RBPMS: variants seen among roughly 807,000 people sequenced by gnomAD.
RBPMS encodes RNA-binding protein with multiple splicing.
RBPMS carries 7 observed loss-of-function variants against 26.8 expected under a neutral mutation model. The observed-to-expected ratio is 0.26, with a 90% CI of 0.15 to 0.49. The LOEUF (loss-of-function observed/expected upper bound fraction) is 0.49, where lower values mean the gene tolerates loss of function less well. Among genes scored for constraint, RBPMS ranks in the 20% least tolerant of loss-of-function variants. The probability of loss-of-function intolerance (pLI) is 0.98; values close to 1 mark genes in which losing one functional copy is unlikely to be tolerated. For synonymous variants in RBPMS, 96 were observed against 93.3 expected (o/e 1.03, Z -0.17); for missense variants, 186 against 250.0 (o/e 0.74, Z 1.73).
At chr8:30,431,004 T>C (rs28575172) in intron 1 of RBPMS, among the ~76,000 whole-genome samples, 3,089 of 152,314 alleles carry the variant, frequency 0.02, 125 homozygotes, top group African/African-American at 0.071. Flanking sequence ...TGAGTGTATT[T>C]TTAATGTATG....
chr8:30,556,476 C>G (rs978645539), intron 6 of RBPMS: 1 of 985,990 alleles, frequency 1.0e-6, no homozygotes, highest in East Asian at 1.1e-4. Context: ...ACCATGCCAT[C>G]CACTGTGCAG....
At chr8:30,503,332 C>A (rs549636754) in intron 4 of RBPMS, among the ~76,000 whole-genome samples, 1 of 152,202 alleles carries the variant, frequency 6.6e-6, no homozygotes, top group East Asian at 1.9e-4. Flanking sequence ...CTCACTGTAC[C>A]CTCTGCCTCA....
At chr8:30,489,873 C>T (rs950050600) in intron 4 of RBPMS, among the ~76,000 whole-genome samples, 8 of 150,574 alleles carry the variant, frequency 5.3e-5, no homozygotes, top group African/African-American at 9.8e-5. Flanking sequence ...TGCAGTGGCG[C>T]GATGTTGGCT....
chr8:30,480,433 T>C (rs983505244), intron 4 of RBPMS, among the ~76,000 whole-genome samples: 1 of 152,196 alleles, frequency 6.6e-6, no homozygotes, highest in Non-Finnish European at 1.5e-5. Context: ...AATGGTGTCA[T>C]TGATACACAA....
intron 2 of RBPMS, among the ~76,000 whole-genome samples, 164 bp from the exon 3 acceptor site, chr8:30,477,634 TG>T (rs1817840059): frequency 6.6e-6 from 1 of 152,020 alleles, no homozygotes; most frequent in South Asian, 2.1e-4. Context: ...CAGGTGTGTG[TG>T]TGTGTGTGCA....
At chr8:30,491,357 T>C (rs916863038) in intron 4 of RBPMS, among the ~76,000 whole-genome samples, 2 of 152,182 alleles carry the variant, frequency 1.3e-5, no homozygotes, top group African/African-American at 4.8e-5. Context: ...TGATTATCTT[T>C]GGGGGAGGGG....
chr8:30,490,489 T>C (rs1210761883), intron 4 of RBPMS, among the ~76,000 whole-genome samples: 1 of 152,032 alleles, frequency 6.6e-6, no homozygotes, highest in Non-Finnish European at 1.5e-5. Context: ...AGACGGAGTC[T>C]CGCTCTGTCA....
chr8:30,488,872 T>A (rs994144642), intron 4 of RBPMS, among the ~76,000 whole-genome samples: 6 of 152,220 alleles, frequency 3.9e-5, no homozygotes, highest in Non-Finnish European at 8.8e-5. Flanking sequence ...GTCTTCTTGA[T>A]AACCAATCAT....
intron 1 of RBPMS, among the ~76,000 whole-genome samples, chr8:30,465,390 A>C (rs2150794654): frequency 6.6e-6 from 1 of 152,310 alleles, no homozygotes; most frequent in African/African-American, 2.4e-5. Context: ...TCTCTTGCCT[A>C]TACTTTGGCA....
At chr8:30,414,220 C>T (rs1040639061) in intron 1 of RBPMS, among the ~76,000 whole-genome samples, 1 of 144,784 alleles carries the variant, frequency 6.9e-6, no homozygotes, top group Non-Finnish European at 1.5e-5. Context: ...CACTTCTTTT[C>T]GCCAGGGCAG....
rs140423831 is a variant in RBPMS, at chr8:30,502,656, T to C, written c.247-1630T>C. 8.2e-3 allele frequency among the ~76,000 whole-genome samples: 1,245 copies of C among 152,294 alleles called. 4 individuals carry two copies. The highest frequency in any genetic ancestry group is 0.019 in the South Asian group (89 of 4,810). ...TGTACGTAACACCCAGGGACTGTGC[T>C]TGCCTCCCAGCAGAGACCACAGTTC... On this transcript the variant is annotated intron_variant, in intron 4 of 8. Coordinates refer to ENST00000397323, the MANE Select transcript of RBPMS (RefSeq NM_001008710.3).
At chr8:30,490,185 G>A (rs1304540328) in intron 4 of RBPMS, among the ~76,000 whole-genome samples, 1 of 152,168 alleles carries the variant, frequency 6.6e-6, no homozygotes, top group Non-Finnish European at 1.5e-5. Context: ...TCTAAACATT[G>A]ACTTATAGTT....
chr8:30,525,752 C>T (rs1009436519), intron 5 of RBPMS, among the ~76,000 whole-genome samples: 1 of 152,214 alleles, frequency 6.6e-6, no homozygotes, highest in Non-Finnish European at 1.5e-5. Context: ...TGATGTGGCA[C>T]AGCCCTAGGC....
At chr8:30,422,996 C>T (rs1421199774) in intron 1 of RBPMS, among the ~76,000 whole-genome samples, 2 of 152,182 alleles carry the variant, frequency 1.3e-5, no homozygotes, top group African/African-American at 2.4e-5. Flanking sequence ...TTGTAGCCAT[C>T]ATGTTCATTG....
At chr8:30,452,916 TGTCA>T (rs1257566045) in intron 1 of RBPMS, among the ~76,000 whole-genome samples, 1 of 152,232 alleles carries the variant, frequency 6.6e-6, no homozygotes, top group Non-Finnish European at 1.5e-5. Context: ...CTTCTGAAAA[TGTCA>T]GTATCTCCTG....
At chr8:30,483,188 C>T (rs1789241404) in intron 4 of RBPMS, among the ~76,000 whole-genome samples, 1 of 152,210 alleles carries the variant, frequency 6.6e-6, no homozygotes, top group Non-Finnish European at 1.5e-5. Flanking sequence ...CTGTAATGAC[C>T]TGTTATGGCA....
intron 5 of RBPMS, among the ~76,000 whole-genome samples, chr8:30,519,838 C>T (rs992742903): frequency 6.6e-6 from 1 of 152,016 alleles, no homozygotes; most frequent in African/African-American, 2.4e-5. Context: ...AAAGTGCCAG[C>T]CTTCCTGGGA....
At chr8:30,443,415 C>T (rs931893577) in intron 1 of RBPMS, among the ~76,000 whole-genome samples, 1 of 152,146 alleles carries the variant, frequency 6.6e-6, no homozygotes, top group African/African-American at 2.4e-5. Context: ...GAGTTCAAAT[C>T]AAGCTCTAAC....
At chr8:30,443,311 T>C (rs1813342222) in intron 1 of RBPMS, among the ~76,000 whole-genome samples, 1 of 152,176 alleles carries the variant, frequency 6.6e-6, no homozygotes, top group Admixed American at 6.5e-5. Flanking sequence ...TTGGTAATTA[T>C]GGCTAAAAAA....
Sources: allele counts gnomAD v4.1 joint callset (sites outside exome capture counted in the v4.1 genomes callset), GRCh38; gene constraint gnomAD v4.1.1; transcripts MANE v1.5; gene names NCBI Gene and HGNC (gene_info 2026-07-23, HGNC 2026-07-21).